Variants in ENTREP2 observed in about 807,000 individuals in gnomAD.
ENTREP2 encodes endosomal transmembrane epsin interactor 2, also known as protein ENTREP2.
At chr15:29,283,501 A>G in the ENTREP2 span, among the ~76,000 whole-genome samples, 5 of 152,262 alleles carry the variant, frequency 3.3e-5, no homozygotes, top group South Asian at 1.0e-3. Context: ...GGCATAAGCC[A>G]TCATGCCTGG....
the ENTREP2 span, among the ~76,000 whole-genome samples, chr15:29,276,002 A>G: frequency 1.3e-5 from 2 of 152,242 alleles, no homozygotes; most frequent in Non-Finnish European, 2.9e-5. Flanking sequence ...TGGTTGCAAT[A>G]AAGTCCCTTG....
chr15:29,136,742 T>C, the ENTREP2 span, among the ~76,000 whole-genome samples: 1 of 151,514 alleles, frequency 6.6e-6, no homozygotes, highest in Non-Finnish European at 1.5e-5. Context: ...CAAATAATCA[T>C]ACAGCTGATT....
At chr15:29,123,351 C>T in the ENTREP2 span, 6 of 1,535,260 alleles carry the variant, frequency 3.9e-6, no homozygotes, top group Non-Finnish European at 4.4e-6. Context: ...ATACCTGGTC[C>T]AGAACGTCAG....
the ENTREP2 span, among the ~76,000 whole-genome samples, chr15:29,564,399 C>A: frequency 0.65 from 98,189 of 152,002 alleles, 32,085 homozygotes; most frequent in Middle Eastern, 0.72. Context: ...CATATCTCCA[C>A]CATCTGAACC....
chr15:29,584,667 G>T, the ENTREP2 span, among the ~76,000 whole-genome samples: 1 of 152,234 alleles, frequency 6.6e-6, no homozygotes, highest in African/African-American at 2.4e-5. Flanking sequence ...ACTTTGGGGT[G>T]GGGGAAATGG....
chr15:29,376,467 A>G, the ENTREP2 span: 1 of 152,154 alleles, frequency 6.6e-6, no homozygotes, highest in Non-Finnish European at 1.5e-5. Context: ...AAAAAAAACT[A>G]TCCCAGTAAT....
chr15:29,625,577 G>A, the ENTREP2 span, among the ~76,000 whole-genome samples: 2 of 152,016 alleles, frequency 1.3e-5, no homozygotes, highest in Non-Finnish European at 2.9e-5. Flanking sequence ...TGTATTTTTA[G>A]TGGAGACAGG....
At chr15:29,673,167 G>A in the ENTREP2 span, among the ~76,000 whole-genome samples, 22 of 152,152 alleles carry the variant, frequency 1.4e-4, no homozygotes, top group Non-Finnish European at 2.4e-4. Flanking sequence ...ATAATAAGCA[G>A]TGAGGATGAC....
chr15:29,179,601 G>A, the ENTREP2 span, among the ~76,000 whole-genome samples: 1 of 142,848 alleles, frequency 7.0e-6, no homozygotes, highest in Non-Finnish European at 1.5e-5. Flanking sequence ...TTTTTTTTGA[G>A]ACGGAGTCTC....
the ENTREP2 span, among the ~76,000 whole-genome samples, chr15:29,516,876 T>C: frequency 6.6e-6 from 1 of 151,492 alleles, no homozygotes; most frequent in Admixed American, 6.6e-5. Context: ...AGTTAGGCTA[T>C]GTCATATTGA....
the ENTREP2 span, chr15:29,376,989 C>CT: frequency 6.6e-6 from 1 of 152,344 alleles, no homozygotes; most frequent in African/African-American, 2.4e-5. Flanking sequence ...CTGAGGGATA[C>CT]GCCCCTTTCA....
the ENTREP2 span, among the ~76,000 whole-genome samples, chr15:29,127,808 C>T: frequency 6.6e-6 from 1 of 152,196 alleles, no homozygotes; most frequent in Non-Finnish European, 1.5e-5. Flanking sequence ...GCACCAGCCC[C>T]CTTCAGCCCA....
the ENTREP2 span, chr15:29,675,241 G>C: frequency 6.6e-6 from 1 of 152,332 alleles, no homozygotes; most frequent in South Asian, 2.1e-4. Flanking sequence ...CCAGGCCCCC[G>C]CTTTGGCCAC....
At chr15:29,319,233 T>C in the ENTREP2 span, among the ~76,000 whole-genome samples, 1 of 152,182 alleles carries the variant, frequency 6.6e-6, no homozygotes, top group African/African-American at 2.4e-5. Flanking sequence ...CCATGTTCTA[T>C]AAACTCTTGG....
the ENTREP2 span, among the ~76,000 whole-genome samples, chr15:29,605,341 A>G: frequency 6.6e-6 from 1 of 152,066 alleles, no homozygotes; most frequent in Non-Finnish European, 1.5e-5. Flanking sequence ...CACCCTCTGA[A>G]CTTGCTTTGA....
the ENTREP2 span, among the ~76,000 whole-genome samples, chr15:29,587,682 G>T: frequency 2.0e-5 from 3 of 151,976 alleles, no homozygotes. Flanking sequence ...TTTTTTGAGA[G>T]ACAGTCTCGC....
the ENTREP2 span, among the ~76,000 whole-genome samples, chr15:29,553,719 G>A: frequency 2.0e-5 from 3 of 152,188 alleles, no homozygotes; most frequent in Non-Finnish European, 4.4e-5. Flanking sequence ...ACTACCCTGA[G>A]ACCACAGTGC....
chr15:29,528,644 C>T, the ENTREP2 span, among the ~76,000 whole-genome samples: 1 of 152,144 alleles, frequency 6.6e-6, no homozygotes, highest in Non-Finnish European at 1.5e-5. Flanking sequence ...CTTCTGATAG[C>T]AAATCAAGTC....
the ENTREP2 span, among the ~76,000 whole-genome samples, chr15:29,147,522 A>G: frequency 6.6e-6 from 1 of 151,796 alleles, no homozygotes. Flanking sequence ...ATGAAATACC[A>G]CTTCACCACC....
Sources: allele counts gnomAD v4.1 joint callset (sites outside exome capture counted in the v4.1 genomes callset), GRCh38; gene constraint gnomAD v4.1.1; transcripts MANE v1.5; gene names NCBI Gene and HGNC (gene_info 2026-07-23, HGNC 2026-07-21).